Variants in AGBL4 observed in about 807,000 individuals in gnomAD.
The protein encoded by AGBL4 is cytosolic carboxypeptidase 6.
Under a neutral mutation model 66.4 loss-of-function variants are expected in AGBL4, and 58 were observed. That is an observed-to-expected ratio of 0.87 (90% CI 0.71 to 1.09). The LOEUF is 1.09. AGBL4 is among the 50% of genes least tolerant of loss of function. The probability of loss-of-function intolerance (pLI) is 0.00; values close to 1 mark genes in which losing one functional copy is unlikely to be tolerated. For synonymous variants in AGBL4, 234 were observed against 222.9 expected (o/e 1.05, Z -0.44); for missense variants, 579 against 631.0 (o/e 0.92, Z 0.88).
At chr1:49,170,079 C>T (rs1006102303) in intron 4 of AGBL4, among the ~76,000 whole-genome samples, 1 of 151,500 alleles carries the variant, frequency 6.6e-6, no homozygotes, top group Non-Finnish European at 1.5e-5. Context: ...TCAGGCTTCA[C>T]CACTGTACAA....
chr1:48,886,715 G>A (rs1203137688), intron 5 of AGBL4, among the ~76,000 whole-genome samples: 1 of 151,924 alleles, frequency 6.6e-6, no homozygotes, highest in Non-Finnish European at 1.5e-5. Flanking sequence ...ACCACGCCTG[G>A]CTAATGTTTT....
chr1:48,632,019 T>C (rs1645602228), intron 9 of AGBL4, among the ~76,000 whole-genome samples: 1 of 152,188 alleles, frequency 6.6e-6, no homozygotes, highest in Admixed American at 6.5e-5. Context: ...AGGGTTTTTC[T>C]TTTTCACTAG....
intron 3 of AGBL4, among the ~76,000 whole-genome samples, chr1:49,346,837 C>G (rs1449488980): frequency 6.6e-6 from 1 of 152,184 alleles, no homozygotes; most frequent in Admixed American, 6.5e-5. Context: ...ACCAGAGCAA[C>G]TCTATCTTGA....
At chr1:48,531,515 GGT>G (rs1643906471), downstream of AGBL4, among the ~76,000 whole-genome samples, 1 of 152,096 alleles carries the variant, frequency 6.6e-6, no homozygotes, top group East Asian at 1.9e-4. Context: ...GGGAGTTCAT[GGT>G]CTTCCAAAGG....
intron 6 of AGBL4, among the ~76,000 whole-genome samples, chr1:48,719,453 C>G (rs1162705593): frequency 6.6e-6 from 1 of 152,210 alleles, no homozygotes; most frequent in Non-Finnish European, 1.5e-5. Flanking sequence ...TCCTCCCTCT[C>G]CCTCCAAACC....
At chr1:49,165,889 C>G (rs527255663) in intron 4 of AGBL4, among the ~76,000 whole-genome samples, 30 of 152,066 alleles carry the variant, frequency 2.0e-4, no homozygotes, top group African/African-American at 7.0e-4. Flanking sequence ...ATAATAAACT[C>G]CTGGGGTCTA....
chr1:48,762,660 A>C (rs1001631098), intron 6 of AGBL4, among the ~76,000 whole-genome samples: 1 of 112,650 alleles, frequency 8.9e-6, no homozygotes, highest in African/African-American at 3.7e-5. Flanking sequence ...GTGTGTGTGT[A>C]TGTATTTGCA....
At chr1:49,975,219 A>C (rs1658457398) in intron 1 of AGBL4, among the ~76,000 whole-genome samples, 1 of 152,228 alleles carries the variant, frequency 6.6e-6, no homozygotes, top group Non-Finnish European at 1.5e-5. Flanking sequence ...AATCAGTGGC[A>C]GTTATAAACT....
intron 1 of AGBL4, among the ~76,000 whole-genome samples, chr1:49,999,318 C>G (rs1177136654): frequency 8.1e-6 from 1 of 123,768 alleles, no homozygotes; most frequent in Non-Finnish European, 1.7e-5. Context: ...GAATTCAACC[C>G]CTTTTACTAC....
At chr1:49,823,421 A>T (rs1645418803) in intron 2 of AGBL4, among the ~76,000 whole-genome samples, 1 of 152,172 alleles carries the variant, frequency 6.6e-6, no homozygotes, top group African/African-American at 2.4e-5. Context: ...ATAGTTTAAA[A>T]ATATATATTA....
intron 12 of AGBL4, among the ~76,000 whole-genome samples, chr1:48,539,167 A>G (rs1186023047): frequency 6.6e-6 from 1 of 152,194 alleles, no homozygotes; most frequent in East Asian, 1.9e-4. Context: ...TTACATCTTG[A>G]GGGAAGGAGA....
chr1:48,617,049 G>C (rs1298037041), intron 9 of AGBL4, among the ~76,000 whole-genome samples: 1 of 152,134 alleles, frequency 6.6e-6, no homozygotes, highest in Non-Finnish European at 1.5e-5. Flanking sequence ...TGGGGAGAGA[G>C]AAGAAAGAAA....
At chr1:49,505,790 T>A (rs1648624193) in intron 3 of AGBL4, among the ~76,000 whole-genome samples, 1 of 152,018 alleles carries the variant, frequency 6.6e-6, no homozygotes, top group African/African-American at 2.4e-5. Flanking sequence ...GGATTTGGAA[T>A]ATTTTCTGTT....
chr1:48,593,407 T>A (rs1644946437), intron 9 of AGBL4, among the ~76,000 whole-genome samples: 1 of 152,248 alleles, frequency 6.6e-6, no homozygotes, highest in Admixed American at 6.5e-5. Context: ...AAGAATGTCT[T>A]AGTGATGAAA....
chr1:48,968,800 T>A (rs1002296542), intron 5 of AGBL4, among the ~76,000 whole-genome samples: 3 of 152,088 alleles, frequency 2.0e-5, no homozygotes, highest in Non-Finnish European at 4.4e-5. Flanking sequence ...TGCAACACCA[T>A]CTTCCTGATG....
chr1:49,582,272 CT>C (rs1030116655), intron 3 of AGBL4, among the ~76,000 whole-genome samples: 1 of 152,146 alleles, frequency 6.6e-6, no homozygotes, highest in Non-Finnish European at 1.5e-5. Context: ...CCTAAGGTCC[CT>C]GGTAAAATGT....
chr1:49,786,814 C>T (rs955062842), intron 2 of AGBL4, among the ~76,000 whole-genome samples: 4 of 152,174 alleles, frequency 2.6e-5, no homozygotes, highest in Non-Finnish European at 5.9e-5. Context: ...GTGTTTCCAA[C>T]ATTCTGCTTA....
chr1:49,263,585 A>G (rs1205963779), intron 3 of AGBL4, among the ~76,000 whole-genome samples: 2 of 152,174 alleles, frequency 1.3e-5, no homozygotes, highest in African/African-American at 4.8e-5. Flanking sequence ...GAAAATAATG[A>G]AATTTCTCAT....
intron 3 of AGBL4, among the ~76,000 whole-genome samples, chr1:49,414,295 G>C (rs1645380556): frequency 6.6e-6 from 1 of 152,070 alleles, no homozygotes; most frequent in African/African-American, 2.4e-5. Context: ...GTGAGTAAAA[G>C]GGAAATACAT....
Sources: gnomAD v4.1 joint callset for allele counts (sites outside exome capture counted in the v4.1 genomes callset) on GRCh38, gnomAD v4.1.1 for gene constraint, MANE v1.5 for transcripts, NCBI Gene and HGNC (gene_info 2026-07-23, HGNC 2026-07-21) for gene names.